The following TEX55 variants were observed in gnomAD, a reference collection of about 807,000 sequenced individuals.
TEX55 encodes the protein testis expressed 55.
In TEX55, 31 loss-of-function variants were observed where a neutral mutation model predicts 44.6. The observed-to-expected ratio is 0.69, with a 90% CI of 0.52 to 0.94. TEX55 has a LOEUF of 0.94. TEX55 is among the 40% of genes least tolerant of loss of function. The pLI, the probability that TEX55 is intolerant of heterozygous loss-of-function variation, is 0.00. For missense variants in TEX55, 639 were observed against 638.4 expected (o/e 1.00, Z -0.01); for synonymous variants, 230 against 230.9 (o/e 1.00, Z 0.04).
Position 119,146,900 on chromosome 3 carries a change from T to G in TEX55, c.711T>G (p.Ser237Arg). Residue 237 changes from serine (S) to arginine (R), a missense_variant, in exon 1 of 3, where the codon AGT becomes AGG. By Grantham distance (110) the Ser-to-Arg change is moderately radical. Coordinates refer to ENST00000295622, the MANE Select transcript of TEX55 (RefSeq NM_152539.3). ...GGTCATCCGTCCCATCTGACCAAAG[T>G]CCTTCTGTACAGATTGACAGTGGAT... ...DSGSSVPSDQ[S>R]PSVQIDSGSS... 1.2e-6 allele frequency: 2 copies of G among 1,613,970 alleles called. No individual in the cohort carries two copies. Among genetic ancestry groups the G allele is most frequent in the Non-Finnish European group, 1.7e-6 (2 of 1,179,876 alleles).
Position 119,146,355 on chromosome 3 carries a change from G to T in TEX55, c.166G>T (p.Ala56Ser), listed in dbSNP as rs776473918. The T allele has an allele frequency of 1.2e-6, 2 of 1,614,070 alleles. No homozygotes were observed. Among genetic ancestry groups the T allele is most frequent in the African/African-American group, 2.7e-5 (2 of 74,930 alleles). Residue 56 changes from alanine (A) to serine (S), a missense_variant, in exon 1 of 3, where the codon GCC becomes TCC. Physicochemically the swap from Ala to Ser is moderately conservative, Grantham distance 99. Transcript: ENST00000295622. ...HTAHRIADQT[A>S]LRVPSQAESS... ...TGCTCACAGAATAGCTGACCAGACT[G>T]CCCTAAGAGTGCCTAGCCAGGCTGA...
At position 119,147,055 on chromosome 3, in the gene TEX55, A is replaced by C. The variant is rs769149989; in HGVS notation, c.866A>C (p.Gln289Pro). The change falls in exon 1 of 3, where the codon CAG becomes CCG. Residue 289 changes from glutamine (Q) to proline (P), a missense_variant. By Grantham distance (76) the Gln-to-Pro change is moderately conservative (BLOSUM62 -1). Transcript: ENST00000295622. ...CTGGCTGACCCAGGAACTTCTGAGC[A>C]GACTGACCTCAGATTGTATGGCCTC... ...AGLADPGTSE[Q>P]TDLRLYGLVD... The C allele has an allele frequency of 2.0e-5, 33 of 1,614,216 alleles. 1 individual carries two copies. In the South Asian group the frequency reaches 3.1e-4, roughly 15 times the overall value.
Position 119,147,319 on chromosome 3 carries a change from T to C in TEX55, c.1130T>C (p.Leu377Ser). ...TCTGAAGACAGAATATTTCCCCAGTTAGGCAACAGCAAAGAGGACAAAGAG... is the reference window on the plus strand; with the variant it reads ...TCTGAAGACAGAATATTTCCCCAGTCAGGCAACAGCAAAGAGGACAAAGAG... ...GQSEDRIFPQ[L>S]GNSKEDKEAD... Residue 377 changes from leucine to serine, a missense_variant, in exon 1 of 3, where the codon TTA becomes TCA. Physicochemically the swap from Leu to Ser is moderately radical, Grantham distance 145. Coordinates refer to ENST00000295622, the MANE Select transcript of TEX55 (RefSeq NM_152539.3). The C allele has an allele frequency of 6.2e-7, 1 of 1,614,172 alleles. No individual in the cohort carries two copies. The highest frequency in any genetic ancestry group is 8.5e-7 in the Non-Finnish European group (1 of 1,180,044).
chr3:119,149,825 G>T (rs2107558370), intron 2 of TEX55, among the ~76,000 whole-genome samples: 2 of 152,270 alleles, frequency 1.3e-5, no homozygotes, highest in Middle Eastern at 3.4e-3. Context: ...ATCTAAGAAG[G>T]CACATTCTCT....
At position 119,147,572 on chromosome 3, in the gene TEX55, C is replaced by G. The variant is rs145826966; in HGVS notation, c.1383C>G (p.Ala461=). Residue 461 remains alanine (A), a synonymous_variant, in exon 1 of 3, where the codon GCC becomes GCG. Transcript: ENST00000295622. ...CCAGCAGTCAAGAAAAAACTCAAGCCATAGTAACCAAATCTGTAAGTTAAA... is the reference window on the plus strand; with the variant it reads ...CCAGCAGTCAAGAAAAAACTCAAGCGATAGTAACCAAATCTGTAAGTTAAA... ...NYTSSQEKTQ[A]IVTKSDEFSE... 7 of 1,612,562 alleles carry G rather than the reference C, an allele frequency of 4.3e-6. No individual in the cohort carries two copies. Among genetic ancestry groups the G allele is most frequent in the Non-Finnish European group, 5.9e-6 (7 of 1,179,474 alleles).
At chr3:119,148,129 A>T in intron 1 of TEX55, 51 bp from the exon 2 acceptor site, 1 of 1,516,676 alleles carries the variant, frequency 6.6e-7, no homozygotes, top group Non-Finnish European at 9.0e-7. Flanking sequence ...GACAATTCCT[A>T]GGCCCTTCAG....
intron 2 of TEX55, among the ~76,000 whole-genome samples, chr3:119,148,705 G>A (rs2077753701): frequency 6.6e-6 from 1 of 152,166 alleles, no homozygotes; most frequent in Non-Finnish European, 1.5e-5. Flanking sequence ...AGGCAATTTT[G>A]TCACTGTGTA....
At position 119,146,806 on chromosome 3, in the gene TEX55, C is replaced by T. The variant is rs774987095; in HGVS notation, c.617C>T (p.Thr206Ile). The T allele has an allele frequency of 1.2e-6, 2 of 1,614,158 alleles. No individual in the cohort carries two copies. Among genetic ancestry groups the T allele is most frequent in the South Asian group, 1.1e-5 (1 of 91,080 alleles). The change falls in exon 1 of 3, where the codon ACT becomes ATT. Residue 206 changes from threonine to isoleucine, a missense_variant. Transcript: ENST00000295622. ...RRMSGEAERR[T>I]SEQITHRLSK... Reference sequence around the variant, plus strand: ...ATGTCTGGCGAGGCTGAGCGAAGAACTTCTGAGCAGATTACACACAGATTA... The same window carrying T: ...ATGTCTGGCGAGGCTGAGCGAAGAATTTCTGAGCAGATTACACACAGATTA...
Position 119,147,258 on chromosome 3 carries a change from A to G in TEX55, c.1069A>G (p.Lys357Glu). Residue 357 changes from lysine (K) to glutamate (E), a missense_variant, in exon 1 of 3, where the codon AAA (lysine) becomes GAA (glutamate). By Grantham distance (56) the Lys-to-Glu change is moderately conservative (BLOSUM62 1). Transcript: ENST00000295622. Reference protein sequence around the residue: ...DHLADRQANHKDQLSYYETRG... With the variant: ...DHLADRQANHEDQLSYYETRG... ...CTTAGCAGACAGACAAGCTAATCATAAAGACCAGCTGTCTTACTATGAAAC... is the reference window on the plus strand; with the variant it reads ...CTTAGCAGACAGACAAGCTAATCATGAAGACCAGCTGTCTTACTATGAAAC... 6.2e-7 allele frequency: 1 copy of G among 1,614,184 alleles called. No homozygotes were observed. Among genetic ancestry groups the G allele is most frequent in the African/African-American group, 1.3e-5 (1 of 75,044 alleles).
chr3:119,149,789 T>C (rs963282991), intron 2 of TEX55, among the ~76,000 whole-genome samples: 2 of 152,148 alleles, frequency 1.3e-5, no homozygotes, highest in Admixed American at 6.5e-5. Flanking sequence ...CGACTATACT[T>C]TCAAAAGATG....
At chr3:119,149,843 A>T (rs549316009) in intron 2 of TEX55, among the ~76,000 whole-genome samples, 1 of 152,314 alleles carries the variant, frequency 6.6e-6, no homozygotes, top group Admixed American at 6.5e-5. Flanking sequence ...TCTAGAGGGG[A>T]AAAGATATAC....
chr3:119,148,182 T>A lies in TEX55; in HGVS notation c.1401T>A (p.Asp467Glu). Residue 467 changes from aspartate (D) to glutamate (E), a missense_variant and splice_region_variant, in exon 2 of 3, where the codon GAT becomes GAA. Transcript: ENST00000295622. ...EKTQAIVTKS[D>E]EFSEIDQGKG... The stretch of plus-strand genomic sequence containing the variant: ...TGGTGGGGGGATTTAAATTTCAGGA[T>A]GAATTTTCAGAAATTGACCAAGGAA... The A allele has an allele frequency of 1.2e-6, 2 of 1,603,416 alleles. No homozygotes were observed. The highest frequency in any genetic ancestry group is 1.7e-6 in the Non-Finnish European group (2 of 1,176,924).
In TEX55 at chr3:119,148,328, A is replaced by G. The variant is rs759185307; in HGVS notation, c.1542+5A>G. ...CACATTCTGCAAATATTCCAGGTAA[A>G]CCTCTCAATTCCTCTCTTTAATTAT... On this transcript the variant is annotated splice_donor_5th_base_variant and intron_variant, in intron 2 of 2. Transcript: ENST00000295622. The G allele has an allele frequency of 9.3e-6, 15 of 1,607,940 alleles. 1 individual carries two copies. The East Asian group carries it at 1.1e-4, about 12-fold the overall frequency.
In TEX55 at chr3:119,147,345, G is replaced by A; in HGVS notation, c.1156G>A (p.Ala386Thr). ...AGGCAACAGCAAAGAGGACAAAGAG[G>A]CTGACTACAGAGTACAACCCTGCAA... ...QLGNSKEDKE[A>T]DYRVQPCKFE... Residue 386 changes from alanine to threonine, a missense_variant, in exon 1 of 3, where the codon GCT becomes ACT. Ala to Thr is a moderately conservative substitution (Grantham distance 58). Transcript: ENST00000295622. 1.2e-6 allele frequency: 2 copies of A among 1,614,186 alleles called. No homozygotes were observed. The highest frequency in any genetic ancestry group is 1.7e-6 in the Non-Finnish European group (2 of 1,180,044).
chr3:119,147,705 C>T (rs2077742358), intron 1 of TEX55, 118 bp downstream of exon 1: 1 of 878,520 alleles, frequency 1.1e-6, no homozygotes, highest in South Asian at 1.7e-5. Context: ...AAAGAATAAA[C>T]CCACATGTTG....
Position 119,146,469 on chromosome 3 carries a change from C to A in TEX55, c.280C>A (p.Pro94Thr), listed in dbSNP as rs771952122. ...PGQAGRRASNPADVSDLRADD... is the reference protein window; with the variant it reads ...PGQAGRRASNTADVSDLRADD... ...TCAGGCTGGCCGCAGAGCATCCAAC[C>A]CTGCTGATGTTTCTGACCTTAGAGC... is the stretch of plus-strand genomic sequence containing the variant. The change falls in exon 1 of 3, where the codon CCT becomes ACT. Residue 94 changes from proline (P) to threonine (T), a missense_variant. Transcript: ENST00000295622. 1.1e-5 allele frequency: 18 copies of A among 1,614,136 alleles called. No individual in the cohort carries two copies. Among genetic ancestry groups the A allele is most frequent in the South Asian group, 2.2e-5 (2 of 91,074 alleles).
Position 119,146,997 on chromosome 3 carries a change from A to C in TEX55, c.808A>C (p.Ser270Arg). The C allele has an allele frequency of 6.2e-7, 1 of 1,614,200 alleles. No homozygotes were observed. The highest frequency in any genetic ancestry group is 8.5e-7 in the Non-Finnish European group (1 of 1,180,026). Residue 270 changes from serine (S) to arginine (R), a missense_variant, in exon 1 of 3, where the codon AGT becomes CGT. Coordinates refer to ENST00000295622, the MANE Select transcript of TEX55 (RefSeq NM_152539.3). ...RRMSGKVRRRSSEKTDYRLAG... is the reference protein window; with the variant it reads ...RRMSGKVRRRRSEKTDYRLAG... ...AATGTCAGGGAAAGTTAGGAGAAGA[A>C]GTTCTGAGAAGACTGACTACAGATT...
rs1428810919 is a variant in TEX55 at position 119,147,201 on chromosome 3, G to A, written c.1012G>A (p.Ala338Thr). ...SNADQPPVDN[A>T]HYTESDQTDH... ...TGCTGATCAACCTCCAGTTGACAAT[G>A]CTCACTACACTGAATCTGACCAGAC... The change falls in exon 1 of 3, where the codon GCT becomes ACT. Residue 338 changes from alanine (A) to threonine (T), a missense_variant. By Grantham distance (58) the Ala-to-Thr change is moderately conservative. Transcript: ENST00000295622. The A allele has an allele frequency of 1.2e-6, 2 of 1,613,998 alleles. No individual in the cohort carries two copies. The highest frequency in any genetic ancestry group is 1.7e-6 in the Non-Finnish European group (2 of 1,180,034).
chr3:119,151,375 G>A lies in TEX55; in HGVS notation c.*83G>A, dbSNP rs73185896. ...CAGCAAAGTGTATAGAACAAAGTAC[G>A]TACAACTCTGAATTCTTATGAAGTA... On this transcript the variant is annotated 3_prime_UTR_variant, in exon 3 of 3. Coordinates refer to ENST00000295622, the MANE Select transcript of TEX55 (RefSeq NM_152539.3). 4.5e-5 allele frequency: 50 copies of A among 1,106,772 alleles called. No individual in the cohort carries two copies. In the East Asian group the frequency reaches 1.1e-3, roughly 25 times the overall value. 68.6% of individuals were successfully genotyped at this position (1,106,772 alleles called of 1,614,324 possible). A position where few individuals can be genotyped will look rare whatever the true frequency, so the allele number is the denominator to read the frequency against.
Sources: gnomAD v4.1 joint callset for allele counts (sites outside exome capture counted in the v4.1 genomes callset) on GRCh38, gnomAD v4.1.1 for gene constraint, MANE v1.5 for transcripts, NCBI Gene and HGNC (gene_info 2026-07-23, HGNC 2026-07-21) for gene names.